SEZ6L: variants seen among roughly 807,000 people sequenced by gnomAD.
SEZ6L encodes seizure related 6 homolog like.
SEZ6L carries 37 observed loss-of-function variants against 106.2 expected under a neutral mutation model. That is an observed-to-expected ratio of 0.35 (90% confidence interval 0.27 to 0.46). The LOEUF (loss-of-function observed/expected upper bound fraction) is 0.46. SEZ6L is among the 20% of genes least tolerant of loss of function. SEZ6L has a pLI of 1.00. For missense variants in SEZ6L, 1,172 were observed against 1,332.8 expected (o/e 0.88, Z 1.88); for synonymous variants, 541 against 570.4 (o/e 0.95, Z 0.73).
rs1482410120 is a variant in SEZ6L at position 26,293,090 on chromosome 22, A to T, written c.779A>T (p.Glu260Val). 5 of 1,608,338 alleles carry T rather than the reference A, an allele frequency of 3.1e-6. No homozygotes were observed. In the South Asian group the frequency reaches 5.5e-5, roughly 18 times the overall value. Residue 260 changes from glutamate (E) to valine (V), a missense_variant, in exon 2 of 17, where the codon GAG (glutamate) becomes GTG (valine). By Grantham distance (121) the Glu-to-Val change is moderately radical (BLOSUM62 -2). This residue lies in a region of SEZ6L where 494 missense variants were observed against 445.8 expected (regional missense o/e 1.11). Coordinates refer to ENST00000248933, the MANE Select transcript of SEZ6L (RefSeq NM_021115.5). Reference sequence around the variant, plus strand: ...GGGTCAGCCTCAGAGGAGAGCCAGGAGACCACTACCTCCACCATTATCACC... The same window carrying T: ...GGGTCAGCCTCAGAGGAGAGCCAGGTGACCACTACCTCCACCATTATCACC... ...LTGSASEESQ[E>V]TTTSTIITTT...
intron 6 of SEZ6L, among the ~76,000 whole-genome samples, chr22:26,309,293 T>C (rs189748615): frequency 6.6e-4 from 101 of 152,314 alleles, no homozygotes; most frequent in African/African-American, 2.3e-3. Flanking sequence ...TACCCAACAT[T>C]TTGTTTAACA....
At chr22:26,236,236 C>T (rs149834947) in intron 1 of SEZ6L, among the ~76,000 whole-genome samples, 11 of 152,344 alleles carry the variant, frequency 7.2e-5, no homozygotes, top group Non-Finnish European at 1.3e-4. Flanking sequence ...GGCAGTGCAA[C>T]GTGTGGCTCA....
chr22:26,380,433 C>T lies in SEZ6L; in HGVS notation c.*138C>T. 1.6e-6 allele frequency: 1 copy of T among 644,188 alleles called. No individual in the cohort carries two copies. Among genetic ancestry groups the T allele is most frequent in the Non-Finnish European group, 2.7e-6 (1 of 365,398 alleles). 39.9% of individuals were successfully genotyped at this position (644,188 alleles called of 1,614,324 possible). A position where few individuals can be genotyped will look rare whatever the true frequency, so the allele number is the denominator to read the frequency against. On this transcript the variant is annotated 3_prime_UTR_variant, in exon 17 of 17. Coordinates refer to ENST00000248933, the MANE Select transcript of SEZ6L (RefSeq NM_021115.5). ...GTTTAGACTCTTTATCAAAGGTTTA[C>T]TGTTTTCTTCCCTGTATTTATTATA... is the stretch of plus-strand genomic sequence containing the variant.
At chr22:26,348,949 G>A (rs945666602) in intron 11 of SEZ6L, among the ~76,000 whole-genome samples, 1 of 143,052 alleles carries the variant, frequency 7.0e-6, no homozygotes, top group Non-Finnish European at 1.5e-5. Flanking sequence ...GGGAGGGAAG[G>A]AAAAAGAGAG....
intron 10 of SEZ6L, among the ~76,000 whole-genome samples, chr22:26,343,398 C>T (rs1245086624): frequency 2.7e-5 from 4 of 150,784 alleles, no homozygotes; most frequent in African/African-American, 9.7e-5. Flanking sequence ...GGCCAGTGTT[C>T]AGTTTGGCAA....
chr22:26,288,427 C>T (rs954996309), intron 1 of SEZ6L, among the ~76,000 whole-genome samples: 1 of 152,102 alleles, frequency 6.6e-6, no homozygotes, highest in African/African-American at 2.4e-5. Flanking sequence ...CTCTAGCCCA[C>T]CCAGCAGAGA....
intron 9 of SEZ6L, among the ~76,000 whole-genome samples, chr22:26,326,475 C>T (rs2082308928): frequency 6.6e-6 from 1 of 152,154 alleles, no homozygotes; most frequent in South Asian, 2.1e-4. Context: ...CGTGCCCTTA[C>T]CTTTGTGCCA....
At chr22:26,351,742 T>A in intron 12 of SEZ6L, among the ~76,000 whole-genome samples, 1 of 152,074 alleles carries the variant, frequency 6.6e-6, no homozygotes, top group South Asian at 2.1e-4. Context: ...AGATGGGGTT[T>A]CACCATGTTG....
intron 1 of SEZ6L, among the ~76,000 whole-genome samples, chr22:26,220,929 G>GTGGA (rs2078450189): frequency 7.3e-6 from 1 of 137,634 alleles, no homozygotes; most frequent in African/African-American, 2.8e-5. Context: ...GGATGGATGG[G>GTGGA]TGGATGGATG....
At chr22:26,197,444 G>T (rs555303791) in intron 1 of SEZ6L, among the ~76,000 whole-genome samples, 2 of 152,342 alleles carry the variant, frequency 1.3e-5, no homozygotes, top group East Asian at 3.9e-4. Context: ...TACTGGGTGA[G>T]TAAGTAACAT....
chr22:26,232,862 G>A (rs2078843981), intron 1 of SEZ6L, among the ~76,000 whole-genome samples: 1 of 152,208 alleles, frequency 6.6e-6, no homozygotes, highest in African/African-American at 2.4e-5. Context: ...GTAAAACAGG[G>A]AGGAACACGG....
intron 1 of SEZ6L, 29 bp from the exon 2 acceptor site, chr22:26,292,377 C>G: frequency 6.4e-7 from 1 of 1,564,488 alleles, no homozygotes; most frequent in Non-Finnish European, 8.7e-7. Flanking sequence ...TCTCCCCAAA[C>G]TAACTGGTGT....
chr22:26,205,106 T>C (rs1379063709), intron 1 of SEZ6L, among the ~76,000 whole-genome samples: 3 of 152,344 alleles, frequency 2.0e-5, no homozygotes, highest in East Asian at 1.9e-4. Flanking sequence ...TAAATCTCAA[T>C]GTCAAATTTA....
chr22:26,302,671 C>G (rs2081492516), intron 5 of SEZ6L, among the ~76,000 whole-genome samples: 1 of 152,134 alleles, frequency 6.6e-6, no homozygotes, highest in African/African-American at 2.4e-5. Context: ...AGATAAAATT[C>G]CAAACCATAG....
intron 1 of SEZ6L, among the ~76,000 whole-genome samples, chr22:26,201,618 G>A (rs1434014416): frequency 6.6e-6 from 1 of 151,938 alleles, no homozygotes; most frequent in African/African-American, 2.4e-5. Context: ...GTAGAAGGGT[G>A]GGATGTTAAA....
At chr22:26,376,729 A>G (rs1345185076) in intron 15 of SEZ6L, among the ~76,000 whole-genome samples, 1 of 152,190 alleles carries the variant, frequency 6.6e-6, no homozygotes, top group Non-Finnish European at 1.5e-5. Flanking sequence ...AGCCTGGGCA[A>G]CAAAGCAAGA....
chr22:26,255,559 A>T (rs1423499445), intron 1 of SEZ6L, among the ~76,000 whole-genome samples: 1 of 152,208 alleles, frequency 6.6e-6, no homozygotes, highest in Non-Finnish European at 1.5e-5. Flanking sequence ...GAAATCCTTC[A>T]TGACTCCTGA....
At chr22:26,172,860 GC>G (rs1316996249) in intron 1 of SEZ6L, among the ~76,000 whole-genome samples, 1 of 152,184 alleles carries the variant, frequency 6.6e-6, no homozygotes, top group Non-Finnish European at 1.5e-5. Flanking sequence ...CAATCCAACT[GC>G]CCTTTTTGTA....
At chr22:26,360,401 G>A (rs1666175245) in intron 12 of SEZ6L, among the ~76,000 whole-genome samples, 1 of 152,212 alleles carries the variant, frequency 6.6e-6, no homozygotes, top group African/African-American at 2.4e-5. Context: ...CTGAATTAGT[G>A]TTCAGTTACA....
Sources: allele counts gnomAD v4.1 joint callset (sites outside exome capture counted in the v4.1 genomes callset), GRCh38; gene constraint gnomAD v4.1.1; regional missense constraint gnomAD v4.1.1; transcripts MANE v1.5; gene names NCBI Gene and HGNC (gene_info 2026-07-23, HGNC 2026-07-21).